The following ZSWIM6 variants were observed in gnomAD, a reference collection of about 807,000 sequenced individuals.
The protein encoded by ZSWIM6 is zinc finger SWIM domain-containing protein 6.
ZSWIM6 carries 9 observed loss-of-function variants against 113.2 expected under a neutral mutation model. The observed-to-expected ratio is 0.08, with a 90% CI of 0.05 to 0.14. The LOEUF (loss-of-function observed/expected upper bound fraction) is 0.14, where lower values mean the gene tolerates loss of function less well. Ranked by LOEUF, ZSWIM6 falls within the 10% of genes least tolerant of loss-of-function variation. The pLI, the probability that ZSWIM6 is intolerant of heterozygous loss-of-function variation, is 1.00. For synonymous variants in ZSWIM6, 611 were observed against 606.5 expected (o/e 1.01, Z -0.11); for missense variants, 1,162 against 1,552.2 (o/e 0.75, Z 4.22).
intron 1 of ZSWIM6, among the ~76,000 whole-genome samples, chr5:61,449,854 T>C (rs1375072759): frequency 6.6e-6 from 1 of 152,136 alleles, no homozygotes; most frequent in Non-Finnish European, 1.5e-5. Context: ...GAAACACCTG[T>C]TCCCAGTTGA....
At chr5:61,446,150 C>A (rs1746949213) in intron 1 of ZSWIM6, among the ~76,000 whole-genome samples, 1 of 152,166 alleles carries the variant, frequency 6.6e-6, no homozygotes, top group Non-Finnish European at 1.5e-5. Context: ...CCTCAGCCTC[C>A]TGAGAAGCTG....
At position 61,473,086 on chromosome 5, in the gene ZSWIM6, A is replaced by T. The variant is rs1423241823; in HGVS notation, c.1033+49A>T. ...AAATTTCCTCTCTGGATCCTTTTTCACTTATAAATTCAATTCTTCTGCATA... is the reference window on the plus strand; with the variant it reads ...AAATTTCCTCTCTGGATCCTTTTTCTCTTATAAATTCAATTCTTCTGCATA... On this transcript the variant is annotated intron_variant, in intron 2 of 13. Transcript: ENST00000252744. 4.3e-5 allele frequency: 51 copies of T among 1,187,154 alleles called. No homozygotes were observed. The East Asian group carries it at 1.2e-3, about 28-fold the overall frequency. 73.5% of individuals were successfully genotyped at this position (1,187,154 alleles called of 1,614,324 possible). A position where few individuals can be genotyped will look rare whatever the true frequency, so the allele number is the denominator to read the frequency against.
At chr5:61,411,691 G>A (rs1746151153) in intron 1 of ZSWIM6, among the ~76,000 whole-genome samples, 1 of 152,170 alleles carries the variant, frequency 6.6e-6, no homozygotes, top group African/African-American at 2.4e-5. Flanking sequence ...TGTCTGATGA[G>A]GCCCCTTTTC....
At chr5:61,377,472 A>T (rs576985713) in intron 1 of ZSWIM6, among the ~76,000 whole-genome samples, 1 of 152,296 alleles carries the variant, frequency 6.6e-6, no homozygotes, top group East Asian at 1.9e-4. Context: ...ACCGCAAGCC[A>T]CTTTGGGAGG....
At chr5:61,541,692 C>G (rs1176401286) in intron 12 of ZSWIM6, among the ~76,000 whole-genome samples, 192 bp from the exon 13 acceptor site, 1 of 152,220 alleles carries the variant, frequency 6.6e-6, no homozygotes, top group Non-Finnish European at 1.5e-5. Flanking sequence ...GAGAATGTGG[C>G]TGTGGCAAGG....
At chr5:61,422,146 C>T (rs1256045176) in intron 1 of ZSWIM6, among the ~76,000 whole-genome samples, 2 of 152,190 alleles carry the variant, frequency 1.3e-5, no homozygotes, top group Non-Finnish European at 2.9e-5. Context: ...TTGCCCAGCC[C>T]AGTGTCCTGG....
chr5:61,430,226 C>T (rs1368877274), intron 1 of ZSWIM6, among the ~76,000 whole-genome samples: 1 of 152,116 alleles, frequency 6.6e-6, no homozygotes, highest in East Asian at 1.9e-4. Context: ...AGCACTGAGA[C>T]ATGATTTTAT....
At chr5:61,427,472 C>T (rs541909664) in intron 1 of ZSWIM6, among the ~76,000 whole-genome samples, 14 of 152,124 alleles carry the variant, frequency 9.2e-5, no homozygotes, top group Admixed American at 6.6e-4. Context: ...TTGAACTTTT[C>T]TCCCCCAGAT....
At chr5:61,455,450 C>T (rs1173630545) in intron 1 of ZSWIM6, among the ~76,000 whole-genome samples, 4 of 152,180 alleles carry the variant, frequency 2.6e-5, no homozygotes, top group African/African-American at 9.7e-5. Flanking sequence ...GACTTGTACT[C>T]GGACCTCATT....
intron 1 of ZSWIM6, among the ~76,000 whole-genome samples, chr5:61,379,321 G>A (rs1440365562): frequency 6.6e-6 from 1 of 151,966 alleles, no homozygotes; most frequent in Non-Finnish European, 1.5e-5. Context: ...TAGACCTCGT[G>A]TAGGGAAATC....
At chr5:61,535,393 A>G (rs1749547693) in intron 9 of ZSWIM6, 91 bp from the exon 10 acceptor site, 1 of 1,422,230 alleles carries the variant, frequency 7.0e-7, no homozygotes, top group South Asian at 1.3e-5. Flanking sequence ...TGTATATGTT[A>G]TAACTTTATG....
chr5:61,545,092 TGA>T lies in ZSWIM6; in HGVS notation c.*780_*781del, dbSNP rs1749851501. ...TTTTAAACAAAAACAAAAAAAAAAC[TGA>T]GAGAAAACCTATCAGAAGGACTAAA... is the stretch of plus-strand genomic sequence containing the variant. On this transcript the variant is annotated 3_prime_UTR_variant, in exon 14 of 14. Transcript: ENST00000252744. 2.1e-5 allele frequency: 3 copies of T among 145,942 alleles called. No homozygotes were observed. The highest frequency in any genetic ancestry group is 2.1e-4 in the Admixed American group (3 of 14,598). The allele number at this position is 145,942 out of a possible 1,614,324, so 9.0% of individuals were successfully genotyped here.
At chr5:61,352,685 G>A (rs147564246) in intron 1 of ZSWIM6, among the ~76,000 whole-genome samples, 10 of 152,318 alleles carry the variant, frequency 6.6e-5, no homozygotes, top group African/African-American at 2.4e-4. Context: ...TTTAAGAAAC[G>A]GTATGCTATT....
At chr5:61,536,771 A>T (rs1749585334) in intron 10 of ZSWIM6, among the ~76,000 whole-genome samples, 1 of 152,180 alleles carries the variant, frequency 6.6e-6, no homozygotes, top group African/African-American at 2.4e-5. Context: ...ACATCCTGTA[A>T]TTTGACATGC....
At chr5:61,530,899 G>A (rs759713714) in intron 8 of ZSWIM6, among the ~76,000 whole-genome samples, 26 of 152,190 alleles carry the variant, frequency 1.7e-4, no homozygotes, top group Non-Finnish European at 2.9e-4. Context: ...GCATGAGTCT[G>A]AATTCACTTT....
intron 1 of ZSWIM6, among the ~76,000 whole-genome samples, chr5:61,418,360 C>T (rs973166927): frequency 8.5e-5 from 13 of 152,086 alleles, no homozygotes; most frequent in South Asian, 8.3e-4. Context: ...CTCCGCTTCC[C>T]GGGTTCAAGT....
At chr5:61,411,519 T>C (rs1311377086) in intron 1 of ZSWIM6, among the ~76,000 whole-genome samples, 1 of 152,238 alleles carries the variant, frequency 6.6e-6, no homozygotes, top group Non-Finnish European at 1.5e-5. Context: ...ATTACTTTTG[T>C]CTAGTTAACA....
At chr5:61,461,249 T>G (rs760902961) in intron 1 of ZSWIM6, among the ~76,000 whole-genome samples, 1 of 152,238 alleles carries the variant, frequency 6.6e-6, no homozygotes, top group African/African-American at 2.4e-5. Context: ...AAAAGTCTTA[T>G]GCTATATAAG....
chr5:61,373,616 C>G (rs1414371575), intron 1 of ZSWIM6, among the ~76,000 whole-genome samples: 1 of 152,060 alleles, frequency 6.6e-6, no homozygotes, highest in African/African-American at 2.4e-5. Flanking sequence ...AAACTATCTT[C>G]TACATTGTTA....
Sources: allele counts gnomAD v4.1 joint callset (sites outside exome capture counted in the v4.1 genomes callset), GRCh38; gene constraint gnomAD v4.1.1; transcripts MANE v1.5; gene names NCBI Gene and HGNC (gene_info 2026-07-23, HGNC 2026-07-21).